Variants in BCAS3 observed in about 807,000 individuals in gnomAD.
BCAS3 encodes BCAS4/BCAS3 fusion.
In BCAS3, 53 loss-of-function variants were observed where a neutral mutation model predicts 116.1. The ratio of observed to expected loss-of-function variants is 0.46; its 90% CI spans 0.37 to 0.57. The LOEUF (loss-of-function observed/expected upper bound fraction) is 0.57, where lower values mean the gene tolerates loss of function less well. Ranked by LOEUF, BCAS3 falls within the 20% of genes least tolerant of loss-of-function variation. The probability of loss-of-function intolerance (pLI) is 0.00; values close to 1 mark genes in which losing one functional copy is unlikely to be tolerated. For missense variants in BCAS3, 917 were observed against 1,165.4 expected (o/e 0.79, Z 3.10); for synonymous variants, 391 against 408.2 (o/e 0.96, Z 0.51).
intron 6 of BCAS3, among the ~76,000 whole-genome samples, chr17:60,783,076 G>GATATGCTGATA: frequency 6.6e-6 from 1 of 152,244 alleles, no homozygotes. Context: ...GCTGATACAT[G>GATATGCTGATA]TCATTATATA....
chr17:60,697,736 A>C lies in BCAS3; in HGVS notation c.214+7975A>C, dbSNP rs117169678. ...GTGCAGTCATGGAAGATTCACAGAT[A>C]AGTTAAGACTGGACAAGGTTTTGAA... On this transcript the variant is annotated intron_variant, in intron 4 of 23. Coordinates refer to ENST00000407086, the MANE Select transcript of BCAS3 (RefSeq NM_017679.5). Among the ~76,000 whole-genome samples, 65 of 152,256 alleles carry C rather than the reference A, an allele frequency of 4.3e-4. 1 individual carries two copies. The East Asian group carries it at 0.012, about 28-fold the overall frequency.
At chr17:61,182,139 G>A (rs539763925) in intron 22 of BCAS3, among the ~76,000 whole-genome samples, 1 of 152,268 alleles carries the variant, frequency 6.6e-6, no homozygotes, top group East Asian at 1.9e-4. Context: ...TTCTCAAGGT[G>A]CTAGGATTGT....
chr17:61,267,411 C>T (rs1020080416), intron 22 of BCAS3, among the ~76,000 whole-genome samples: 2 of 151,608 alleles, frequency 1.3e-5, no homozygotes, highest in African/African-American at 4.8e-5. Flanking sequence ...GATATTAAGT[C>T]ATGATGTCAA....
At chr17:61,314,386 G>A (rs1229551150) in intron 22 of BCAS3, among the ~76,000 whole-genome samples, 1 of 152,226 alleles carries the variant, frequency 6.6e-6, no homozygotes, top group African/African-American at 2.4e-5. Flanking sequence ...ATGCCAGAAA[G>A]GGAACCGCAG....
chr17:60,853,413 T>C (rs2053358025), intron 7 of BCAS3, among the ~76,000 whole-genome samples: 1 of 152,236 alleles, frequency 6.6e-6, no homozygotes, highest in Non-Finnish European at 1.5e-5. Flanking sequence ...AAAATATATG[T>C]TTGAATTCAA....
intron 22 of BCAS3, among the ~76,000 whole-genome samples, chr17:61,319,983 T>C (rs780230645): frequency 7.6e-4 from 115 of 151,388 alleles, no homozygotes; most frequent in Non-Finnish European, 9.9e-4. Flanking sequence ...CTCTGCCTCC[T>C]GGGTTCAAGC....
chr17:61,166,564 A>G (rs1402793650), intron 22 of BCAS3, among the ~76,000 whole-genome samples: 1 of 151,388 alleles, frequency 6.6e-6, no homozygotes, highest in African/African-American at 2.4e-5. Flanking sequence ...TACCTGGCTG[A>G]TTTTTGTGTT....
intron 15 of BCAS3, among the ~76,000 whole-genome samples, chr17:61,000,072 T>C (rs560903104): frequency 6.6e-6 from 1 of 152,312 alleles, no homozygotes. Context: ...ATATTGTTGG[T>C]AAAGAGAGAT....
Position 60,889,751 on chromosome 17 carries a change from C to T in BCAS3, c.718C>T (p.Leu240Phe). The T allele has an allele frequency of 6.2e-7, 1 of 1,613,158 alleles. No individual in the cohort carries two copies. The highest frequency in any genetic ancestry group is 1.3e-5 in the African/African-American group (1 of 75,022). ...TCCTATTGCTCTTGGGAGCCGCTGG[C>T]TTGCTTATGCAGAAAACAAGGTAAG... Reference protein sequence around the residue: ...MNPIALGSRWLAYAENKLIRC... With the variant: ...MNPIALGSRWFAYAENKLIRC... The change falls in exon 10 of 24, where the codon CTT becomes TTT. Residue 240 changes from leucine (L) to phenylalanine (F), a missense_variant. This residue lies in a region of BCAS3 where 807 missense variants were observed against 1,026.0 expected (regional missense o/e 0.79). Coordinates refer to ENST00000407086, the MANE Select transcript of BCAS3 (RefSeq NM_017679.5).
In BCAS3 at chr17:61,205,898, GACAGC is replaced by G. The variant is rs914618096; in HGVS notation, c.2425+121335_2425+121339del. On this transcript the variant is annotated intron_variant, in intron 22 of 23. Coordinates refer to ENST00000407086, the MANE Select transcript of BCAS3 (RefSeq NM_017679.5). The surrounding 1 kb of genome is among the most constrained non-coding windows in gnomAD (Gnocchi z 5.2). ...AAGATAAGGCAAACACAACCAAAAA[GACAGC>G]CCTTTTGCTTAGTTAGGAAGATAAT... 6.6e-6 allele frequency among the ~76,000 whole-genome samples: 1 copy of G among 152,216 alleles called. No homozygotes were observed. The highest frequency in any genetic ancestry group is 1.5e-5 in the Non-Finnish European group (1 of 68,038).
At chr17:60,977,491 T>TTATTATTA (rs2062483275) in intron 14 of BCAS3, among the ~76,000 whole-genome samples, 1 of 149,610 alleles carries the variant, frequency 6.7e-6, no homozygotes, top group Non-Finnish European at 1.5e-5. Context: ...GCACTTTCTT[T>TTATTATTA]TTATTATTAT....
chr17:61,038,915 C>T (rs565273555), intron 18 of BCAS3, among the ~76,000 whole-genome samples: 1 of 152,134 alleles, frequency 6.6e-6, no homozygotes, highest in South Asian at 2.1e-4. Flanking sequence ...CTCGCCTTGG[C>T]CTCCCAAAGT....
intron 22 of BCAS3, among the ~76,000 whole-genome samples, chr17:61,178,885 C>T (rs1372955878): frequency 1.3e-5 from 2 of 152,126 alleles, no homozygotes; most frequent in African/African-American, 4.8e-5. Flanking sequence ...GACGCTGGAG[C>T]TTTGCAAAGT....
At chr17:60,804,184 A>G (rs1479760427) in intron 6 of BCAS3, among the ~76,000 whole-genome samples, 1 of 151,086 alleles carries the variant, frequency 6.6e-6, no homozygotes, top group Non-Finnish European at 1.5e-5. Context: ...TCTTCTTTGT[A>G]AAAAAGGTAG....
chr17:61,155,701 C>A (rs1216245604), intron 22 of BCAS3, among the ~76,000 whole-genome samples: 1 of 152,072 alleles, frequency 6.6e-6, no homozygotes, highest in Admixed American at 6.5e-5. Flanking sequence ...ATTATGTCAG[C>A]CTGGCAGATC....
At position 61,380,162 on chromosome 17, in the gene BCAS3, C is replaced by T. The variant is rs970241224; in HGVS notation, c.2593+11668C>T. The stretch of plus-strand genomic sequence containing the variant: ...ACTTCAGACCTGGTTTCTAAATCCA[C>T]GGAAGCTGAGAGGAGGAAGAAAATC... On this transcript the variant is annotated intron_variant, in intron 23 of 23. Transcript: ENST00000407086. The surrounding 1 kb of genome is among the most constrained non-coding windows in gnomAD (Gnocchi z 4.2). The T allele has an allele frequency of 1.4e-5, 4 of 288,244 alleles. No individual in the cohort carries two copies. Among genetic ancestry groups the T allele is most frequent in the African/African-American group, 2.2e-5 (1 of 46,008 alleles). 17.9% of individuals were successfully genotyped at this position (288,244 alleles called of 1,614,324 possible).
intron 22 of BCAS3, among the ~76,000 whole-genome samples, chr17:61,197,682 T>C (rs2080563212): frequency 6.6e-6 from 1 of 152,196 alleles, no homozygotes; most frequent in African/African-American, 2.4e-5. Context: ...ATCTTCCAAC[T>C]ATATACACAC....
chr17:61,311,168 AT>A (rs2054276278), intron 22 of BCAS3, among the ~76,000 whole-genome samples: 1 of 152,196 alleles, frequency 6.6e-6, no homozygotes, highest in Non-Finnish European at 1.5e-5. Context: ...AATTATTACT[AT>A]TTTCACATAT....
At chr17:61,359,797 T>G (rs191327410) in intron 22 of BCAS3, among the ~76,000 whole-genome samples, 6 of 151,536 alleles carry the variant, frequency 4.0e-5, no homozygotes, top group African/African-American at 1.5e-4. Context: ...GGCCAGGTTC[T>G]TTTTTTGTAA....
Sources: allele counts gnomAD v4.1 joint callset (sites outside exome capture counted in the v4.1 genomes callset), GRCh38; gene constraint gnomAD v4.1.1; regional missense constraint gnomAD v4.1.1; non-coding constraint Gnocchi (gnomAD v3.1); transcripts MANE v1.5; gene names NCBI Gene and HGNC (gene_info 2026-07-23, HGNC 2026-07-21).